HDAC4: variants seen among roughly 807,000 people sequenced by gnomAD.
The protein encoded by HDAC4 is histone deacetylase A.
HDAC4 carries 16 observed loss-of-function variants against 135.1 expected under a neutral mutation model. That is an observed-to-expected ratio of 0.12 (90% CI 0.08 to 0.18). The LOEUF (loss-of-function observed/expected upper bound fraction) is 0.18, where lower values mean the gene tolerates loss of function less well. HDAC4 is among the 10% of genes least tolerant of loss of function. HDAC4 has a pLI of 1.00. For synonymous variants in HDAC4, 685 were observed against 653.4 expected (o/e 1.05, Z -0.74); for missense variants, 1,143 against 1,511.8 (o/e 0.76, Z 4.05).
At chr2:239,103,749 G>A (rs532920672) in intron 15 of HDAC4, among the ~76,000 whole-genome samples, 128 of 152,374 alleles carry the variant, frequency 8.4e-4, no homozygotes, top group African/African-American at 2.9e-3. Flanking sequence ...TGTGAGACCT[G>A]TGGTGGGCGA....
intron 5 of HDAC4, among the ~76,000 whole-genome samples, chr2:239,166,612 T>C (rs1276602086): frequency 2.0e-5 from 3 of 152,210 alleles, no homozygotes; most frequent in African/African-American, 4.8e-5. Flanking sequence ...CACACACTTA[T>C]GGAAACCATT....
Position 239,052,224 on chromosome 2 carries a change from C to A in HDAC4, c.*873G>T, listed in dbSNP as rs2030961444. On this transcript the variant is annotated 3_prime_UTR_variant, in exon 27 of 27. Transcript: ENST00000543185. Reference sequence around the variant, plus strand: ...ATAAAGCAAAACAGGGACCGCCGGGCTGCAGCCCCTGGCCCCGGAGATGAC... The same window carrying A: ...ATAAAGCAAAACAGGGACCGCCGGGATGCAGCCCCTGGCCCCGGAGATGAC... 1 of 152,394 alleles carries A rather than the reference C, an allele frequency of 6.6e-6. No individual in the cohort carries two copies. Among genetic ancestry groups the A allele is most frequent in the Non-Finnish European group, 1.5e-5 (1 of 68,050 alleles). The allele number at this position is 152,394 out of a possible 1,614,324, so 9.4% of individuals were successfully genotyped here.
At chr2:239,317,918 G>A (rs779592150) in intron 2 of HDAC4, among the ~76,000 whole-genome samples, 2 of 151,672 alleles carry the variant, frequency 1.3e-5, no homozygotes, top group Non-Finnish European at 2.9e-5. Context: ...AGGGCTTCCC[G>A]TCCTGAATGT....
At chr2:239,242,200 A>G (rs1423599982) in intron 2 of HDAC4, among the ~76,000 whole-genome samples, 1 of 137,784 alleles carries the variant, frequency 7.3e-6, no homozygotes, top group East Asian at 2.5e-4. Context: ...AGAGGGAGAG[A>G]AAGAGAGAGG....
At chr2:239,205,537 C>A (rs1002868274) in intron 3 of HDAC4, among the ~76,000 whole-genome samples, 1 of 151,952 alleles carries the variant, frequency 6.6e-6, no homozygotes, top group African/African-American at 2.4e-5. Flanking sequence ...AAAAAACTCA[C>A]CAGGAAGCAG....
At position 239,334,696 on chromosome 2, in the gene HDAC4, G is replaced by A. The variant is rs146035804; in HGVS notation, c.22+17982C>T. Reference sequence around the variant, plus strand: ...GTGGATCCCAATTGAGACCACAGCAGGTATTCTGTTGAAATTGAAAAGCTG... The same window carrying A: ...GTGGATCCCAATTGAGACCACAGCAAGTATTCTGTTGAAATTGAAAAGCTG... On this transcript the variant is annotated intron_variant, in intron 2 of 26. Transcript: ENST00000543185. Among the ~76,000 whole-genome samples, 77 of 152,168 alleles carry A rather than the reference G, an allele frequency of 5.1e-4. 1 individual carries two copies. Among genetic ancestry groups the A allele is most frequent in the Middle Eastern group, 6.8e-3 (2 of 292 alleles).
At chr2:239,377,318 C>T (rs1695082223) in intron 1 of HDAC4, among the ~76,000 whole-genome samples, 1 of 152,234 alleles carries the variant, frequency 6.6e-6, no homozygotes, top group Non-Finnish European at 1.5e-5. Flanking sequence ...GCTCACAGGC[C>T]ACGTGTGCCT....
chr2:239,375,224 G>T (rs1039879691), intron 1 of HDAC4, among the ~76,000 whole-genome samples: 3 of 152,236 alleles, frequency 2.0e-5, no homozygotes, highest in Non-Finnish European at 4.4e-5. Context: ...AGAGCCAGGG[G>T]CCTGGGAATC....
intron 5 of HDAC4, among the ~76,000 whole-genome samples, chr2:239,168,648 C>T (rs889743577): frequency 1.3e-5 from 2 of 152,226 alleles, no homozygotes; most frequent in Non-Finnish European, 1.5e-5. Context: ...TCCCCCGCGC[C>T]GGCCCGCCAC....
In HDAC4 at chr2:239,134,529, C is replaced by T; in HGVS notation, c.1093G>A (p.Ala365Thr). The T allele has an allele frequency of 6.2e-7, 1 of 1,614,068 alleles. No individual in the cohort carries two copies. The highest frequency in any genetic ancestry group is 1.3e-5 in the African/African-American group (1 of 75,052). ...CGGACCCACGGGGGCTGACTTACCG[C>T]AGAGGGGCCGGTGGCAGGCAGGCCC... is the stretch of plus-strand genomic sequence containing the variant. ...TLGLPATGPS[A>T]GTAGQQDAER... is the part of the protein sequence containing the mutation. The change falls in exon 10 of 27, where the codon GCG (alanine) becomes ACG (threonine). Residue 365 changes from alanine to threonine, a missense_variant and splice_region_variant. This residue lies in a region of HDAC4 where 272 missense variants were observed against 309.7 expected (regional missense o/e 0.88). Transcript: ENST00000543185.
intron 3 of HDAC4, among the ~76,000 whole-genome samples, chr2:239,231,976 G>A (rs1184738667): frequency 8.0e-6 from 1 of 124,758 alleles, no homozygotes; most frequent in East Asian, 2.3e-4. Flanking sequence ...GGATGCCTGA[G>A]GTAGGCGTCC....
intron 2 of HDAC4, among the ~76,000 whole-genome samples, chr2:239,250,811 C>T (rs370485008): frequency 2.6e-5 from 4 of 152,186 alleles, no homozygotes; most frequent in East Asian, 1.9e-4. Flanking sequence ...CGAAGGGGCA[C>T]GACAGTGGAC....
At chr2:239,194,009 G>A (rs779223857) in intron 3 of HDAC4, among the ~76,000 whole-genome samples, 2 of 152,170 alleles carry the variant, frequency 1.3e-5, no homozygotes, top group Non-Finnish European at 2.9e-5. Flanking sequence ...ATCTGAGCCC[G>A]GGGTGGTCAA....
chr2:239,332,214 A>G (rs1274456172), intron 2 of HDAC4, among the ~76,000 whole-genome samples: 2 of 152,222 alleles, frequency 1.3e-5, no homozygotes, highest in East Asian at 3.8e-4. Context: ...ATAAAATAGT[A>G]AAGATAACAG....
At chr2:239,090,175 C>A in intron 17 of HDAC4, 59 bp from the exon 18 acceptor site, 2 of 1,278,802 alleles carry the variant, frequency 1.6e-6, no homozygotes, top group East Asian at 2.3e-5. Flanking sequence ...ATCACCAGCC[C>A]TGGCTGGGCA....
In HDAC4 at chr2:239,285,092, C is replaced by A. The variant is rs998107350; in HGVS notation, c.23-48428G>T. The stretch of plus-strand genomic sequence containing the variant: ...AAATACATCCCACCCCACACCTAGA[C>A]AATCTACAGTCTACCTTCATGGCAA... On this transcript the variant is annotated intron_variant, in intron 2 of 26. Coordinates refer to ENST00000543185, the MANE Select transcript of HDAC4 (RefSeq NM_001378414.1). This position sits in a 1 kb window ranked among gnomAD's most constrained non-coding sequence, Gnocchi z 4.5. 2.6e-5 allele frequency among the ~76,000 whole-genome samples: 4 copies of A among 152,242 alleles called. No individual in the cohort carries two copies. The highest frequency in any genetic ancestry group is 1.9e-4 in the East Asian group (1 of 5,200).
rs1024050993 is a variant in HDAC4, at chr2:239,299,087, G to C, written c.22+53591C>G. On this transcript the variant is annotated intron_variant, in intron 2 of 26. Transcript: ENST00000543185. The surrounding 1 kb of genome is among the most constrained non-coding windows in gnomAD (Gnocchi z 4.0). Reference sequence around the variant, plus strand: ...GTTTCATGTTAGCCAGGATGGTCTCGATCTCCTGACCTCGTGATCCGCCTG... The same window carrying C: ...GTTTCATGTTAGCCAGGATGGTCTCCATCTCCTGACCTCGTGATCCGCCTG... Among the ~76,000 whole-genome samples, 2 of 151,868 alleles carry C rather than the reference G, an allele frequency of 1.3e-5. No individual in the cohort carries two copies. The highest frequency in any genetic ancestry group is 4.2e-4 in the South Asian group (2 of 4,812).
chr2:239,093,396 C>T (rs2036704450), intron 17 of HDAC4, among the ~76,000 whole-genome samples: 1 of 152,182 alleles, frequency 6.6e-6, no homozygotes, highest in Non-Finnish European at 1.5e-5. Flanking sequence ...CCTGACACCC[C>T]AGGAGGCTGG....
intron 2 of HDAC4, among the ~76,000 whole-genome samples, chr2:239,275,672 C>T (rs2050316837): frequency 1.3e-5 from 2 of 152,108 alleles, no homozygotes; most frequent in African/African-American, 4.8e-5. Flanking sequence ...CCCTGCGACT[C>T]CAGGTCCAGC....
Sources: allele counts gnomAD v4.1 joint callset (sites outside exome capture counted in the v4.1 genomes callset), GRCh38; gene constraint gnomAD v4.1.1; regional missense constraint gnomAD v4.1.1; non-coding constraint Gnocchi (gnomAD v3.1); transcripts MANE v1.5; gene names NCBI Gene and HGNC (gene_info 2026-07-23, HGNC 2026-07-21).